Variants in CNTNAP2 observed in about 807,000 individuals in gnomAD.
CNTNAP2 encodes the protein contactin associated protein 2.
CNTNAP2 carries 98 observed loss-of-function variants against 155.2 expected under a neutral mutation model. The ratio of observed to expected loss-of-function variants is 0.63; its 90% CI spans 0.54 to 0.75. The LOEUF is 0.75. Among genes scored for constraint, CNTNAP2 ranks in the 30% least tolerant of loss-of-function variants. CNTNAP2 has a pLI of 0.00. For synonymous variants in CNTNAP2, 651 were observed against 631.2 expected, an observed-to-expected ratio of 1.03 and a Z score of -0.47; for missense variants, 1,727 against 1,688.1, an observed-to-expected ratio of 1.02 and a Z score of -0.40.
At chr7:146,230,128 C>T (rs572694082) in intron 1 of CNTNAP2, among the ~76,000 whole-genome samples, 1 of 152,222 alleles carries the variant, frequency 6.6e-6, no homozygotes, top group Admixed American at 6.5e-5. Context: ...ATTAAATTTG[C>T]TGTATTAGAA....
chr7:146,437,369 G>A (rs1308699110), intron 1 of CNTNAP2, among the ~76,000 whole-genome samples: 1 of 151,456 alleles, frequency 6.6e-6, no homozygotes, highest in African/African-American at 2.5e-5. Context: ...ATGTATGTAT[G>A]TGTGGGTTAT....
At chr7:146,317,869 T>G (rs1800935193) in intron 1 of CNTNAP2, among the ~76,000 whole-genome samples, 1 of 152,190 alleles carries the variant, frequency 6.6e-6, no homozygotes, top group East Asian at 1.9e-4. Flanking sequence ...TGGCCGGGCA[T>G]GGCGGCTCAC....
At chr7:146,206,824 G>A (rs1217654312) in intron 1 of CNTNAP2, among the ~76,000 whole-genome samples, 1 of 151,796 alleles carries the variant, frequency 6.6e-6, no homozygotes, top group Non-Finnish European at 1.5e-5. Flanking sequence ...GTATGGTAAT[G>A]GCATGAATTT....
At chr7:147,719,465 A>C (rs1385827261) in intron 13 of CNTNAP2, among the ~76,000 whole-genome samples, 3 of 152,082 alleles carry the variant, frequency 2.0e-5, no homozygotes, top group Non-Finnish European at 4.4e-5. Context: ...ATTTGAGTGA[A>C]TCTGCCAGCT....
intron 1 of CNTNAP2, among the ~76,000 whole-genome samples, chr7:146,230,180 C>T (rs1490427775): frequency 6.6e-6 from 1 of 152,102 alleles, no homozygotes; most frequent in African/African-American, 2.4e-5. Context: ...AAAAAATGCC[C>T]TAACTATAGG....
intron 11 of CNTNAP2, among the ~76,000 whole-genome samples, chr7:147,508,934 T>C (rs978563385): frequency 6.6e-6 from 1 of 152,212 alleles, no homozygotes; most frequent in African/African-American, 2.4e-5. Context: ...AGTATGAAAA[T>C]GGACGAATAC....
chr7:148,195,494 A>C lies in CNTNAP2; in HGVS notation c.3011-21794A>C, dbSNP rs1482749749. Among the ~76,000 whole-genome samples, 6 of 152,356 alleles carry C rather than the reference A, an allele frequency of 3.9e-5. No individual in the cohort carries two copies. The South Asian group carries it at 1.2e-3, about 32-fold the overall frequency. ...CTGTAGCATTAAATTCCTTCCCTGT[A>C]GTATTAAATTCACAACCTAAGCTAT... On this transcript the variant is annotated intron_variant, in intron 18 of 23. Coordinates refer to ENST00000361727, the MANE Select transcript of CNTNAP2 (RefSeq NM_014141.6).
At chr7:147,624,169 G>A (rs1030074412) in intron 12 of CNTNAP2, among the ~76,000 whole-genome samples, 44 of 152,028 alleles carry the variant, frequency 2.9e-4, no homozygotes, top group African/African-American at 1.0e-3. Context: ...GAAAACACTG[G>A]GGAAACTCTC....
chr7:147,351,312 G>C (rs1795964913), intron 9 of CNTNAP2, among the ~76,000 whole-genome samples: 1 of 151,580 alleles, frequency 6.6e-6, no homozygotes, highest in Non-Finnish European at 1.5e-5. Context: ...ACTAATTTCT[G>C]AATATAAGCA....
At chr7:146,393,293 C>T (rs568395687) in intron 1 of CNTNAP2, among the ~76,000 whole-genome samples, 10 of 152,250 alleles carry the variant, frequency 6.6e-5, no homozygotes, top group Admixed American at 3.9e-4. Flanking sequence ...ACAGTTTTCA[C>T]CCTGAAAGTG....
chr7:147,751,727 C>T (rs1175871259), intron 13 of CNTNAP2, among the ~76,000 whole-genome samples: 1 of 152,180 alleles, frequency 6.6e-6, no homozygotes, highest in Non-Finnish European at 1.5e-5. Context: ...ATAATCACAG[C>T]CCCGAACTTG....
chr7:148,011,279 T>G (rs545265014), intron 15 of CNTNAP2, among the ~76,000 whole-genome samples: 1 of 152,184 alleles, frequency 6.6e-6, no homozygotes, highest in Admixed American at 6.6e-5. Context: ...TATCCCATCA[T>G]ATAAATATAT....
chr7:147,021,904 G>A (rs958010220), intron 3 of CNTNAP2, among the ~76,000 whole-genome samples: 1 of 151,968 alleles, frequency 6.6e-6, no homozygotes, highest in Non-Finnish European at 1.5e-5. Context: ...AATCATGAAG[G>A]ACACTCATGT....
chr7:146,574,879 C>G (rs565416775), intron 1 of CNTNAP2, among the ~76,000 whole-genome samples: 16 of 152,174 alleles, frequency 1.1e-4, no homozygotes, highest in African/African-American at 3.9e-4. Flanking sequence ...AGACTTTTAT[C>G]CCCACTACCA....
At chr7:146,947,561 A>G (rs28671700) in intron 3 of CNTNAP2, among the ~76,000 whole-genome samples, 31 of 27,088 alleles carry the variant, frequency 1.1e-3, no homozygotes, top group African/African-American at 2.5e-3. Context: ...GTGTGTGTAT[A>G]TATATATATA....
chr7:147,428,699 A>T (rs1797420427), intron 10 of CNTNAP2, among the ~76,000 whole-genome samples: 1 of 152,292 alleles, frequency 6.6e-6, no homozygotes, highest in East Asian at 1.9e-4. Flanking sequence ...TTAGAAAGAT[A>T]AGGAGACAAG....
At chr7:147,829,149 T>C (rs2071813293) in intron 13 of CNTNAP2, among the ~76,000 whole-genome samples, 1 of 152,184 alleles carries the variant, frequency 6.6e-6, no homozygotes, top group Non-Finnish European at 1.5e-5. Context: ...CATCAGAACA[T>C]AATGCAGATT....
chr7:147,630,002 C>CA (rs1170873015), intron 12 of CNTNAP2, among the ~76,000 whole-genome samples: 1 of 150,312 alleles, frequency 6.7e-6, no homozygotes, highest in African/African-American at 2.4e-5. Flanking sequence ...GAAATACAAA[C>CA]AAAAAAATAC....
At position 146,121,119 on chromosome 7, in the gene CNTNAP2, CTTTTTTTTTTTTT is replaced by C. The variant is rs745449281; in HGVS notation, c.97+4161_97+4173del. Reference sequence around the variant, plus strand: ...TGTCTTAAAGTTTACATAAAGCTTCCTTTTTTTTTTTTTTTTTTTTTTTTTTTGAGACGGAGTC... The same window carrying C: ...TGTCTTAAAGTTTACATAAAGCTTCCTTTTTTTTTTTTTTGAGACGGAGTC... On this transcript the variant is annotated intron_variant, in intron 1 of 23. Transcript: ENST00000361727. Among the ~76,000 whole-genome samples the C allele has an allele frequency of 9.1e-5, 6 of 65,784 alleles. No homozygotes were observed. The South Asian group carries it at 3.2e-3, about 35-fold the overall frequency. 43.2% of individuals were successfully genotyped at this position (65,784 alleles called of 152,430 possible).
Sources: gnomAD v4.1 joint callset for allele counts (sites outside exome capture counted in the v4.1 genomes callset) on GRCh38, gnomAD v4.1.1 for gene constraint, MANE v1.5 for transcripts, NCBI Gene and HGNC (gene_info 2026-07-23, HGNC 2026-07-21) for gene names.